The following MIA2 variants were observed in gnomAD, a reference collection of about 807,000 sequenced individuals.
MIA2 encodes MIA SH3 domain ER export factor 2.
MIA2 carries 127 observed loss-of-function variants against 167.8 expected under a neutral mutation model. The observed-to-expected ratio is 0.76, with a 90% CI of 0.66 to 0.88. The LOEUF (loss-of-function observed/expected upper bound fraction) is 0.88, where lower values mean the gene tolerates loss of function less well. Among genes scored for constraint, MIA2 ranks in the 40% least tolerant of loss-of-function variants. The pLI is 0.00. For missense variants in MIA2, 1,690 were observed against 1,624.7 expected, an observed-to-expected ratio of 1.04 and a Z score of -0.69; for synonymous variants, 552 against 541.9, an observed-to-expected ratio of 1.02 and a Z score of -0.26.
At chr14:39,267,583 G>A in intron 6 of MIA2, 1 of 1,593,638 alleles carries the variant, frequency 6.3e-7, no homozygotes, top group Non-Finnish European at 8.5e-7. Context: ...CCGGGGGAAG[G>A]AAGCAGTAGA....
intron 27 of MIA2, among the ~76,000 whole-genome samples, chr14:39,348,239 G>A (rs2073846928): frequency 6.6e-6 from 1 of 152,126 alleles, no homozygotes; most frequent in South Asian, 2.1e-4. Context: ...TCTACTTAGC[G>A]TGAAAGCTGT....
In MIA2 at chr14:39,236,908, C is replaced by T. The variant is rs371926057; in HGVS notation, c.116-14C>T. 504 of 1,590,110 alleles carry T rather than the reference C, an allele frequency of 3.2e-4. 1 individual carries two copies. The highest frequency in any genetic ancestry group is 8.4e-4 in the Middle Eastern group (5 of 5,918). On this transcript the variant is annotated splice_polypyrimidine_tract_variant and intron_variant, in intron 1 of 28. Transcript: ENST00000640607. ...AATTTAAAGTGTGTATTTTTCTTTACATGTTTTACATAGCTTTAATAAACA... is the reference window on the plus strand; with the variant it reads ...AATTTAAAGTGTGTATTTTTCTTTATATGTTTTACATAGCTTTAATAAACA...
At chr14:39,263,121 T>C (rs1594745633) in intron 6 of MIA2, among the ~76,000 whole-genome samples, 1 of 152,196 alleles carries the variant, frequency 6.6e-6, no homozygotes, top group South Asian at 2.1e-4. Flanking sequence ...CTTCCAGTTT[T>C]TGCCCATTCA....
At chr14:39,347,356 G>A (rs1286150343) in intron 26 of MIA2, among the ~76,000 whole-genome samples, 1 of 152,108 alleles carries the variant, frequency 6.6e-6, no homozygotes, top group African/African-American at 2.4e-5. Context: ...GAATAAGGAC[G>A]GAAGGAAGAA....
rs955416240 is a variant in MIA2, at chr14:39,250,902, G to A, written c.1568-1846G>A. 4.9e-4 allele frequency among the ~76,000 whole-genome samples: 74 copies of A among 151,784 alleles called. 2 individuals carry two copies. Among genetic ancestry groups the A allele is most frequent in the Middle Eastern group, 6.8e-3 (2 of 294 alleles). On this transcript the variant is annotated intron_variant, in intron 4 of 28. Transcript: ENST00000640607. ...AAAAAAGACGTCATTTATTAACAAA[G>A]TGGGCTATTCCAAAACACTACAATA...
chr14:39,336,231 G>A (rs911065380), intron 25 of MIA2, among the ~76,000 whole-genome samples: 5 of 152,192 alleles, frequency 3.3e-5, no homozygotes, highest in African/African-American at 1.2e-4. Flanking sequence ...CAGTGTATAA[G>A]CATTCCCTTT....
intron 28 of MIA2, among the ~76,000 whole-genome samples, chr14:39,349,737 G>A (rs10483538): frequency 0.063 from 9,631 of 152,208 alleles, 394 homozygotes; most frequent in South Asian, 0.16. Context: ...TCACTAATAC[G>A]AATTTTAAGT....
chr14:39,329,933 T>C (rs1446406732), intron 25 of MIA2, among the ~76,000 whole-genome samples: 1 of 152,174 alleles, frequency 6.6e-6, no homozygotes, highest in Admixed American at 6.5e-5. Flanking sequence ...AAATTTTCTT[T>C]TTTTGTTGTG....
chr14:39,380,229 T>C (rs1015284571), intron 23 of MIA2, among the ~76,000 whole-genome samples: 17 of 152,228 alleles, frequency 1.1e-4, no homozygotes, highest in African/African-American at 4.1e-4. Flanking sequence ...CAACTTATTA[T>C]CTCAGGTCTT....
At chr14:39,332,869 G>A (rs1474330712) in intron 25 of MIA2, among the ~76,000 whole-genome samples, 1 of 152,070 alleles carries the variant, frequency 6.6e-6, no homozygotes. Context: ...CTATTTCGAC[G>A]TCTTGCCTGG....
chr14:39,388,302 G>T lies in MIA2; in HGVS notation c.*1350G>T, dbSNP rs1233789915. ...TCATGTTTTTCTTTTCAAAGAGGCA[G>T]TTTTATTTTGCTGCATTGTTACTGT... On this transcript the variant is annotated 3_prime_UTR_variant, in exon 24 of 24. Transcript: ENST00000341502. This position sits in a 1 kb window ranked among gnomAD's most constrained non-coding sequence, Gnocchi z 4.1. 6.6e-6 allele frequency: 1 copy of T among 152,154 alleles called. No individual in the cohort carries two copies. Among genetic ancestry groups the T allele is most frequent in the Non-Finnish European group, 1.5e-5 (1 of 68,026 alleles). The allele number at this position is 152,154 out of a possible 1,614,324, so 9.4% of individuals were successfully genotyped here.
rs2061512256 is a variant in MIA2, at chr14:39,296,961, G to A, written c.2496+1932G>A. Among the ~76,000 whole-genome samples, 3 of 150,600 alleles carry A rather than the reference G, an allele frequency of 2.0e-5. No homozygotes were observed. In the South Asian group the frequency reaches 6.3e-4, roughly 32 times the overall value. On this transcript the variant is annotated intron_variant, in intron 13 of 28. Transcript: ENST00000640607. The stretch of plus-strand genomic sequence containing the variant: ...CGGCTAATTTTTTGTATTTTTAATA[G>A]AGACGGAGTTTCACCATGTTGGCCA...
chr14:39,243,814 G>A lies in MIA2; in HGVS notation c.337-3097G>A, dbSNP rs143210743. 1.8e-4 allele frequency among the ~76,000 whole-genome samples: 27 copies of A among 152,192 alleles called. No homozygotes were observed. In the East Asian group the frequency reaches 3.9e-3, roughly 22 times the overall value. On this transcript the variant is annotated intron_variant, in intron 3 of 28. Coordinates refer to ENST00000640607, the MANE Select transcript of MIA2 (RefSeq NM_001329214.4). ...CCGGGAGGCAGAGGTTGCAGTGAGT[G>A]GAGATCATGCCACTGCACTCCAGAC... is the stretch of plus-strand genomic sequence containing the variant.
intron 25 of MIA2, among the ~76,000 whole-genome samples, chr14:39,342,345 C>G (rs370213782): frequency 9.2e-5 from 14 of 152,070 alleles, no homozygotes; most frequent in East Asian, 5.8e-4. Flanking sequence ...ATGAACTCAT[C>G]ATTTTTTATG....
chr14:39,260,497 A>G (rs2055046891), intron 6 of MIA2, among the ~76,000 whole-genome samples: 1 of 152,178 alleles, frequency 6.6e-6, no homozygotes. Context: ...TGGCTGCATA[A>G]ATGTCTTCTT....
At chr14:39,302,558 C>T (rs116778815) in intron 15 of MIA2, among the ~76,000 whole-genome samples, 1 of 152,074 alleles carries the variant, frequency 6.6e-6, no homozygotes, top group African/African-American at 2.4e-5. Flanking sequence ...GCCTGTTTTT[C>T]CCTGTACTGT....
intron 20 of MIA2, chr14:39,315,136 A>T (rs2065153882): frequency 5.6e-6 from 1 of 180,146 alleles, no homozygotes; most frequent in Non-Finnish European, 1.1e-5. Context: ...AAAAAAAAAA[A>T]AAAAAAAAAA....
rs187505688 is a variant in MIA2, at chr14:39,357,938, A to G, written c.2248+8961A>G. The stretch of plus-strand genomic sequence containing the variant: ...GAGAGATCAGCTGTTAGTCTGATGG[A>G]CTTCCCTTTGTGGGTAACCCGACCT... On this transcript the variant is annotated intron_variant, in intron 23 of 23. Transcript: ENST00000341502. Among the ~76,000 whole-genome samples the G allele has an allele frequency of 7.9e-5, 12 of 152,208 alleles. No homozygotes were observed. In the East Asian group the frequency reaches 1.4e-3, roughly 17 times the overall value.
At chr14:39,293,424 T>C in intron 11 of MIA2, 43 bp downstream of exon 11, 1 of 1,244,698 alleles carries the variant, frequency 8.0e-7, no homozygotes, top group Non-Finnish European at 1.1e-6. Flanking sequence ...AAAAGAAAGT[T>C]ACTGAGCTTT....
Sources: allele counts gnomAD v4.1 joint callset (sites outside exome capture counted in the v4.1 genomes callset), GRCh38; gene constraint gnomAD v4.1.1; non-coding constraint Gnocchi (gnomAD v3.1); transcripts MANE v1.5; gene names NCBI Gene and HGNC (gene_info 2026-07-23, HGNC 2026-07-21).